Variants in ATP6V0E1 observed in about 807,000 individuals in gnomAD.
The protein encoded by ATP6V0E1 is V-type proton ATPase subunit e 1.
A neutral mutation model predicts 11.6 loss-of-function variants in ATP6V0E1; 4 were observed. That is an observed-to-expected ratio of 0.35 (90% confidence interval 0.17 to 0.79). The LOEUF (loss-of-function observed/expected upper bound fraction) is 0.79. Among genes scored for constraint, ATP6V0E1 ranks in the 30% least tolerant of loss-of-function variants. ATP6V0E1 has a pLI of 0.54. For missense variants in ATP6V0E1, 105 were observed against 100.0 expected (o/e 1.05, Z -0.21); for synonymous variants, 36 against 34.8 (o/e 1.04, Z -0.13).
At chr5:173,030,447 T>G (rs527337869) in intron 3 of ATP6V0E1, among the ~76,000 whole-genome samples, 8 of 150,500 alleles carry the variant, frequency 5.3e-5, no homozygotes, top group Middle Eastern at 3.4e-3. Flanking sequence ...TTTTGTTTTT[T>G]TTTTTTTTTT....
intron 2 of ATP6V0E1, among the ~76,000 whole-genome samples, chr5:173,003,218 A>AC (rs1756185276): frequency 6.6e-6 from 1 of 151,976 alleles, no homozygotes; most frequent in South Asian, 2.1e-4. Flanking sequence ...CGAGGTCATA[A>AC]CTGAATAGGT....
At chr5:173,006,195 G>C (rs965366440) in intron 2 of ATP6V0E1, among the ~76,000 whole-genome samples, 12 of 152,100 alleles carry the variant, frequency 7.9e-5, no homozygotes, top group Non-Finnish European at 1.6e-4. Context: ...AAAATCACCA[G>C]CTATGATTGT....
At chr5:172,998,609 T>TAAA (rs59297626) in intron 2 of ATP6V0E1, among the ~76,000 whole-genome samples, 19 of 119,936 alleles carry the variant, frequency 1.6e-4, no homozygotes, top group Non-Finnish European at 2.3e-4. Flanking sequence ...GACTCCATCT[T>TAAA]AAAAAAAAAA....
chr5:173,021,873 A>AT (rs2113609350), intron 3 of ATP6V0E1, among the ~76,000 whole-genome samples: 1 of 151,852 alleles, frequency 6.6e-6, no homozygotes, highest in African/African-American at 2.4e-5. Flanking sequence ...ATCTCTACTA[A>AT]AAATACAAAA....
intron 3 of ATP6V0E1, among the ~76,000 whole-genome samples, chr5:173,027,021 A>G (rs564416657): frequency 4.6e-4 from 69 of 149,858 alleles, no homozygotes; most frequent in African/African-American, 1.2e-3. Flanking sequence ...CTAAAAAAAT[A>G]CAAAAAAATT....
At position 172,997,653 on chromosome 5, in the gene ATP6V0E1, C is replaced by CA. The variant is rs577153780; in HGVS notation, c.152+2840dup. ...TGAAACCCCGTCTCTACTAAAAATA[C>CA]AAAAAAAAATTTAGCCGAGCGTGGT... On this transcript the variant is annotated intron_variant, in intron 2 of 3. Coordinates refer to ENST00000519374, the MANE Select transcript of ATP6V0E1 (RefSeq NM_003945.4). 6.2e-3 allele frequency among the ~76,000 whole-genome samples: 927 copies of CA among 150,568 alleles called. 7 individuals carry two copies. The highest frequency in any genetic ancestry group is 0.031 in the South Asian group (149 of 4,780).
intron 3 of ATP6V0E1, among the ~76,000 whole-genome samples, chr5:173,030,919 T>TTTTA (rs1554120178): frequency 2.2e-5 from 3 of 133,904 alleles, no homozygotes; most frequent in African/African-American, 8.3e-5. Context: ...TGGCTAATTT[T>TTTTA]TGTATTTATT....
At chr5:173,026,071 A>G (rs1268758250) in intron 3 of ATP6V0E1, among the ~76,000 whole-genome samples, 1 of 151,894 alleles carries the variant, frequency 6.6e-6, no homozygotes, top group Admixed American at 6.6e-5. Context: ...ATGTTAGCTC[A>G]CTGCAACCTC....
intron 3 of ATP6V0E1, among the ~76,000 whole-genome samples, chr5:173,026,342 A>G (rs1756558052): frequency 6.6e-6 from 1 of 152,160 alleles, no homozygotes. Context: ...CACCAGTTTG[A>G]TACACAATTA....
chr5:173,016,686 A>C (rs1756404981), intron 2 of ATP6V0E1, among the ~76,000 whole-genome samples: 1 of 152,186 alleles, frequency 6.6e-6, no homozygotes, highest in Non-Finnish European at 1.5e-5. Flanking sequence ...GGATTGGGGA[A>C]GTCCTTGGTT....
Position 173,012,487 on chromosome 5 carries a change from T to C in ATP6V0E1, c.153-7751T>C, listed in dbSNP as rs1756343247. On this transcript the variant is annotated intron_variant, in intron 2 of 3. Coordinates refer to ENST00000519374, the MANE Select transcript of ATP6V0E1 (RefSeq NM_003945.4). ...TTTAAACGAGGCCGGGCATGGTGGC[T>C]CACGCCTTTAATCCCAGCACTTTGG... Among the ~76,000 whole-genome samples, 2 of 152,024 alleles carry C rather than the reference T, an allele frequency of 1.3e-5. 1 individual carries two copies. Among genetic ancestry groups the C allele is most frequent in the South Asian group, 4.1e-4 (2 of 4,826 alleles).
At chr5:173,032,004 A>G (rs1361370751) in intron 3 of ATP6V0E1, among the ~76,000 whole-genome samples, 1 of 151,010 alleles carries the variant, frequency 6.6e-6, no homozygotes, top group East Asian at 2.0e-4. Flanking sequence ...AAATACAAAA[A>G]TCAGCCAGGT....
At chr5:173,012,853 A>G (rs1009220428) in intron 2 of ATP6V0E1, among the ~76,000 whole-genome samples, 14 of 152,140 alleles carry the variant, frequency 9.2e-5, no homozygotes, top group African/African-American at 3.1e-4. Context: ...GGTCTAGGCA[A>G]AAGTTTTATG....
At chr5:173,032,719 A>G (rs1253579672) in intron 3 of ATP6V0E1, among the ~76,000 whole-genome samples, 1 of 152,192 alleles carries the variant, frequency 6.6e-6, no homozygotes, top group Non-Finnish European at 1.5e-5. Context: ...TGCCTGTACT[A>G]TGAAGAAGTC....
chr5:173,010,865 A>G (rs1441099348), intron 2 of ATP6V0E1, among the ~76,000 whole-genome samples: 3 of 152,308 alleles, frequency 2.0e-5, no homozygotes, highest in East Asian at 1.9e-4. Flanking sequence ...TGAATGTGGA[A>G]CAGAAGAACA....
In ATP6V0E1 at chr5:173,034,528, C is replaced by T. The variant is rs943718330; in HGVS notation, c.*166C>T. On this transcript the variant is annotated 3_prime_UTR_variant, in exon 4 of 4. Transcript: ENST00000519374. ...CATTTGAATGCCTTATTCTACAATGCAGCGTGTTTTCCTTTGCCTTTTTTG... is the reference window on the plus strand; with the variant it reads ...CATTTGAATGCCTTATTCTACAATGTAGCGTGTTTTCCTTTGCCTTTTTTG... The T allele has an allele frequency of 1.2e-5, 8 of 688,456 alleles. No individual in the cohort carries two copies. The African/African-American group carries it at 1.4e-4, about 12-fold the overall frequency. 42.6% of individuals were successfully genotyped at this position (688,456 alleles called of 1,614,324 possible). A position where few individuals can be genotyped will look rare whatever the true frequency, so the allele number is the denominator to read the frequency against.
intron 3 of ATP6V0E1, among the ~76,000 whole-genome samples, chr5:173,031,576 T>C (rs1408626771): frequency 2.0e-5 from 3 of 151,514 alleles, no homozygotes; most frequent in African/African-American, 7.3e-5. Context: ...CCCAGCACTT[T>C]GGGAGGCCAA....
intron 1 of ATP6V0E1, among the ~76,000 whole-genome samples, chr5:172,987,822 G>A (rs948873414): frequency 2.0e-5 from 3 of 151,742 alleles, no homozygotes; most frequent in Non-Finnish European, 4.4e-5. Flanking sequence ...CAAGGGATCC[G>A]TCCACCTCAG....
chr5:173,013,675 T>C (rs1049760473), intron 2 of ATP6V0E1, among the ~76,000 whole-genome samples: 13 of 151,300 alleles, frequency 8.6e-5, no homozygotes, highest in African/African-American at 2.9e-4. Context: ...TATAAGGACC[T>C]CAAACAACTT....
Sources: gnomAD v4.1 joint callset for allele counts (sites outside exome capture counted in the v4.1 genomes callset) on GRCh38, gnomAD v4.1.1 for gene constraint, MANE v1.5 for transcripts, NCBI Gene and HGNC (gene_info 2026-07-23, HGNC 2026-07-21) for gene names.